The following CGRRF1 variants were observed in gnomAD, a reference collection of about 807,000 sequenced individuals.
The protein encoded by CGRRF1 is cell growth regulator with ring finger domain 1, also known as cell growth regulator with RING finger domain protein 1.
CGRRF1 carries 32 observed loss-of-function variants against 37.2 expected under a neutral mutation model. The ratio of observed to expected loss-of-function variants is 0.86; its 90% CI spans 0.65 to 1.16. The LOEUF (loss-of-function observed/expected upper bound fraction) is 1.16. Ranked by LOEUF, CGRRF1 falls within the 50% of genes most tolerant of loss-of-function variation. The pLI is 0.00. For missense variants in CGRRF1, 391 were observed against 382.6 expected (o/e 1.02, Z -0.18); for synonymous variants, 141 against 140.3 (o/e 1.00, Z -0.04).
chr14:54,524,384 TG>T (rs1168937424), intron 2 of CGRRF1, among the ~76,000 whole-genome samples: 12 of 149,752 alleles, frequency 8.0e-5, no homozygotes, highest in Non-Finnish European at 1.8e-4. Context: ...GAAAAATATA[TG>T]TTTTTTTTTT....
chr14:54,535,668 A>C (rs1007449128), intron 4 of CGRRF1, among the ~76,000 whole-genome samples: 1 of 152,064 alleles, frequency 6.6e-6, no homozygotes, highest in African/African-American at 2.4e-5. Flanking sequence ...CTTTTTATTA[A>C]AAAAAATTTT....
chr14:54,517,915 G>A (rs1001018965), intron 1 of CGRRF1, among the ~76,000 whole-genome samples: 2 of 152,170 alleles, frequency 1.3e-5, no homozygotes, highest in African/African-American at 4.8e-5. Context: ...GAGGATAATG[G>A]CTTCCAGCTT....
chr14:54,514,958 A>G (rs1016859452), intron 1 of CGRRF1, among the ~76,000 whole-genome samples: 5 of 152,268 alleles, frequency 3.3e-5, no homozygotes, highest in Middle Eastern at 3.4e-3. Flanking sequence ...TGTGGTTAGC[A>G]TACTTTTTAT....
intron 1 of CGRRF1, among the ~76,000 whole-genome samples, chr14:54,515,606 A>G (rs1386064391): frequency 5.3e-5 from 8 of 152,198 alleles, no homozygotes; most frequent in Admixed American, 6.5e-5. Context: ...TAATAGGTAC[A>G]TAAACATTTA....
intron 4 of CGRRF1, 26 bp downstream of exon 4, chr14:54,531,076 A>G (rs1302060552): frequency 6.5e-7 from 1 of 1,546,464 alleles, no homozygotes; most frequent in East Asian, 2.2e-5. Context: ...TTTTGAAAGC[A>G]TTACCTTTAA....
chr14:54,510,110 T>G (rs115497077), intron 1 of CGRRF1, 47 bp downstream of exon 1: 16,344 of 1,442,366 alleles, frequency 0.011, 565 homozygotes, highest in East Asian at 0.11. Flanking sequence ...ACCGCCAGAG[T>G]GGGGTCGCGA....
intron 2 of CGRRF1, among the ~76,000 whole-genome samples, chr14:54,524,736 T>C (rs1341760251): frequency 1.3e-5 from 2 of 152,094 alleles, no homozygotes; most frequent in African/African-American, 4.8e-5. Flanking sequence ...TAGCTGTAAA[T>C]ACTATTACCC....
chr14:54,520,293 A>ATGTGTG (rs112822453), intron 1 of CGRRF1, among the ~76,000 whole-genome samples: 3 of 150,260 alleles, frequency 2.0e-5, no homozygotes, highest in Non-Finnish European at 4.5e-5. Flanking sequence ...GTGTGTGTGT[A>ATGTGTG]TGTGTGTGTG....
intron 4 of CGRRF1, among the ~76,000 whole-genome samples, chr14:54,532,774 C>G (rs1432282577): frequency 6.6e-6 from 1 of 151,778 alleles, no homozygotes; most frequent in Non-Finnish European, 1.5e-5. Context: ...AACACCTTAG[C>G]TGTACATCCC....
At position 54,538,055 on chromosome 14, in the gene CGRRF1, A is replaced by T. The variant is rs2032627407; in HGVS notation, c.679-8A>T. The T allele has an allele frequency of 5.1e-6, 8 of 1,575,960 alleles. No individual in the cohort carries two copies. The highest frequency in any genetic ancestry group is 6.9e-6 in the Non-Finnish European group (8 of 1,164,950). ...AATAATCTTTAAATTTATTTCTTTG[A>T]TTTTCAGCAACTTTTCATGTCTGCA... is the stretch of plus-strand genomic sequence containing the variant. On this transcript the variant is annotated splice_region_variant and splice_polypyrimidine_tract_variant and intron_variant, in intron 5 of 5. Coordinates refer to ENST00000216420, the MANE Select transcript of CGRRF1 (RefSeq NM_006568.3).
chr14:54,533,882 A>G (rs183178108), intron 4 of CGRRF1, among the ~76,000 whole-genome samples: 2 of 152,256 alleles, frequency 1.3e-5, no homozygotes, highest in African/African-American at 4.8e-5. Flanking sequence ...GAGAAGTATA[A>G]TAATCTGTAT....
chr14:54,530,537 A>G, intron 3 of CGRRF1: 3 of 1,310,926 alleles, frequency 2.3e-6, no homozygotes, highest in South Asian at 3.8e-5. Flanking sequence ...CTCCCCAAGC[A>G]TTAGAAGATG....
In CGRRF1 at chr14:54,509,946, A is replaced by G. The variant is rs1417034190; in HGVS notation, c.-14A>G. 5.0e-6 allele frequency: 8 copies of G among 1,599,182 alleles called. No homozygotes were observed. Among genetic ancestry groups the G allele is most frequent in the Admixed American group, 3.3e-5 (2 of 59,992 alleles). On this transcript the variant is annotated 5_prime_UTR_variant, in exon 1 of 6. Coordinates refer to ENST00000216420, the MANE Select transcript of CGRRF1 (RefSeq NM_006568.3). Reference sequence around the variant, plus strand: ...CCGCGGCTGGAGCCGGGCTCTACCCAGAGCAAGACCCTGATGGCTGCGGTG... The same window carrying G: ...CCGCGGCTGGAGCCGGGCTCTACCCGGAGCAAGACCCTGATGGCTGCGGTG...
intron 2 of CGRRF1, among the ~76,000 whole-genome samples, chr14:54,527,382 A>G (rs137992538): frequency 0.086 from 13,151 of 152,236 alleles, 634 homozygotes; most frequent in African/African-American, 0.11. Context: ...TAATGGGTGC[A>G]GGACACCAAC....
chr14:54,517,657 G>T (rs2032240089), intron 1 of CGRRF1, among the ~76,000 whole-genome samples: 2 of 151,886 alleles, frequency 1.3e-5, no homozygotes, highest in African/African-American at 4.8e-5. Flanking sequence ...TACATGTGCA[G>T]GATGTGCAGG....
rs1323012336 is a variant in CGRRF1, at chr14:54,537,603, C to G, written c.571-119C>G. Reference sequence around the variant, plus strand: ...TTATCAGCCTTTTATTTTTGAGAAGCATTTTTCTTTTTTTTTGGCAGAAGA... The same window carrying G: ...TTATCAGCCTTTTATTTTTGAGAAGGATTTTTCTTTTTTTTTGGCAGAAGA... On this transcript the variant is annotated intron_variant, in intron 4 of 5. Coordinates refer to ENST00000216420, the MANE Select transcript of CGRRF1 (RefSeq NM_006568.3). The G allele has an allele frequency of 3.5e-5, 37 of 1,055,960 alleles. 1 individual carries two copies. Among genetic ancestry groups the G allele is most frequent in the African/African-American group, 6.6e-5 (4 of 60,168 alleles). The allele number at this position is 1,055,960 out of a possible 1,614,324, so 65.4% of individuals were successfully genotyped here.
intron 1 of CGRRF1, among the ~76,000 whole-genome samples, chr14:54,516,377 A>C (rs955535479): frequency 2.0e-5 from 3 of 152,096 alleles, no homozygotes; most frequent in Non-Finnish European, 2.9e-5. Context: ...TGTTTGAAAA[A>C]GTCTTTATTT....
intron 1 of CGRRF1, among the ~76,000 whole-genome samples, chr14:54,515,365 T>G (rs2032198719): frequency 6.6e-6 from 1 of 152,068 alleles, no homozygotes; most frequent in African/African-American, 2.4e-5. Context: ...GTGCTGGGAT[T>G]ACAGGTGTGA....
chr14:54,526,935 CCAT>C (rs1240075328), intron 2 of CGRRF1, among the ~76,000 whole-genome samples: 3 of 152,126 alleles, frequency 2.0e-5, no homozygotes, highest in African/African-American at 7.2e-5. Context: ...CTTTTCCGCC[CCAT>C]CATTTCTCCC....
Sources: gnomAD v4.1 joint callset for allele counts (sites outside exome capture counted in the v4.1 genomes callset) on GRCh38, gnomAD v4.1.1 for gene constraint, MANE v1.5 for transcripts, NCBI Gene and HGNC (gene_info 2026-07-23, HGNC 2026-07-21) for gene names.